The following PPP2R2B variants were observed in gnomAD, a reference collection of about 807,000 sequenced individuals.
The protein encoded by PPP2R2B is protein phosphatase 2 regulatory subunit Bbeta.
In PPP2R2B, 5 loss-of-function variants were observed where a neutral mutation model predicts 46.0. The observed-to-expected ratio is 0.11, with a 90% confidence interval of 0.06 to 0.23. The LOEUF is 0.23. Among genes scored for constraint, PPP2R2B ranks in the 10% least tolerant of loss-of-function variants. The pLI is 1.00. For missense variants in PPP2R2B, 367 were observed against 575.0 expected (o/e 0.64, Z 3.70); for synonymous variants, 215 against 206.7 (o/e 1.04, Z -0.34).
intron 2 of PPP2R2B, among the ~76,000 whole-genome samples, chr5:147,068,875 G>A (rs1276197309): frequency 6.6e-6 from 1 of 152,122 alleles, no homozygotes; most frequent in Non-Finnish European, 1.5e-5. Flanking sequence ...TGTAGAGTGA[G>A]AAGCACACAT....
chr5:147,028,622 C>G (rs1755635730), intron 1 of PPP2R2B, among the ~76,000 whole-genome samples: 1 of 152,036 alleles, frequency 6.6e-6, no homozygotes, highest in African/African-American at 2.4e-5. Context: ...TTAGGGTTAT[C>G]ATGAACAGTA....
chr5:146,859,064 C>T (rs1475887302), intron 2 of PPP2R2B, among the ~76,000 whole-genome samples: 1 of 152,110 alleles, frequency 6.6e-6, no homozygotes, highest in Non-Finnish European at 1.5e-5. Context: ...ATTGATTTAT[C>T]TGATATTCCA....
intron 1 of PPP2R2B, among the ~76,000 whole-genome samples, chr5:146,978,743 A>G (rs1753031257): frequency 6.6e-6 from 1 of 152,164 alleles, no homozygotes; most frequent in Non-Finnish European, 1.5e-5. Flanking sequence ...CTGTTTCAGT[A>G]CCAGTACCAT....
At chr5:146,703,413 A>G (rs2151170324) in intron 2 of PPP2R2B, among the ~76,000 whole-genome samples, 1 of 152,258 alleles carries the variant, frequency 6.6e-6, no homozygotes, top group Middle Eastern at 3.4e-3. Context: ...TACGTTCTAA[A>G]GTTCTGCTTA....
intron 2 of PPP2R2B, among the ~76,000 whole-genome samples, chr5:147,075,908 A>G (rs1247546503): frequency 1.3e-5 from 2 of 150,060 alleles, no homozygotes; most frequent in Non-Finnish European, 3.0e-5. Context: ...GCTAATCATG[A>G]TTAGTGAATA....
chr5:146,922,760 T>C (rs1263629718), intron 1 of PPP2R2B, among the ~76,000 whole-genome samples: 1 of 152,110 alleles, frequency 6.6e-6, no homozygotes, highest in Admixed American at 6.6e-5. Flanking sequence ...CATCAGCACA[T>C]CCCATTGGCT....
intron 1 of PPP2R2B, among the ~76,000 whole-genome samples, chr5:146,915,997 C>T (rs368317175): frequency 3.9e-4 from 60 of 152,272 alleles, no homozygotes; most frequent in African/African-American, 1.3e-3. Flanking sequence ...TTGTAAGACA[C>T]GTGACTTTCA....
intron 5 of PPP2R2B, among the ~76,000 whole-genome samples, chr5:146,653,310 C>T (rs1439675321): frequency 6.6e-6 from 1 of 152,128 alleles, no homozygotes; most frequent in African/African-American, 2.4e-5. Flanking sequence ...TATGGAATAA[C>T]TAGTGTTACT....
intron 5 of PPP2R2B, among the ~76,000 whole-genome samples, chr5:146,674,005 C>A (rs929348839): frequency 2.6e-5 from 4 of 152,122 alleles, no homozygotes; most frequent in African/African-American, 9.7e-5. Context: ...ACCATACGAC[C>A]AAGTTAGAAG....
At position 146,908,417 on chromosome 5, in the gene PPP2R2B, AT is replaced by A. The variant is rs201656527; in HGVS notation, c.79+147247del. Reference sequence around the variant, plus strand: ...TTCTTGGTGTTTACTTAAAAATTAAATTTTTTTTTCTTTCAATATGTATATT... The same window carrying A: ...TTCTTGGTGTTTACTTAAAAATTAAATTTTTTTTCTTTCAATATGTATATT... On this transcript the variant is annotated intron_variant, in intron 1 of 8. Transcript: ENST00000336640. 1.9e-3 allele frequency among the ~76,000 whole-genome samples: 295 copies of A among 151,718 alleles called. 1 individual carries two copies. The highest frequency in any genetic ancestry group is 6.6e-3 in the African/African-American group (274 of 41,344).
At chr5:146,876,308 A>T (rs1761894607) in intron 2 of PPP2R2B, among the ~76,000 whole-genome samples, 1 of 152,196 alleles carries the variant, frequency 6.6e-6, no homozygotes. Context: ...TGATTTCTTC[A>T]CTTCACAATT....
intron 1 of PPP2R2B, among the ~76,000 whole-genome samples, chr5:146,976,509 A>G (rs1752912623): frequency 6.6e-6 from 1 of 152,148 alleles, no homozygotes. Flanking sequence ...ATATGGTACA[A>G]AGGTAAGGGG....
chr5:146,865,096 G>A (rs1180519920), intron 2 of PPP2R2B, among the ~76,000 whole-genome samples: 1 of 151,986 alleles, frequency 6.6e-6, no homozygotes, highest in East Asian at 1.9e-4. Context: ...ATATATTTCA[G>A]AATTAGTATA....
intron 1 of PPP2R2B, chr5:147,055,587 A>C: frequency 7.8e-7 from 1 of 1,288,164 alleles, no homozygotes; most frequent in South Asian, 1.2e-5. Context: ...AGAAAGCAGC[A>C]TCAGCAGAAC....
chr5:146,599,359 G>C (rs1286491405), intron 8 of PPP2R2B, among the ~76,000 whole-genome samples: 1 of 152,146 alleles, frequency 6.6e-6, no homozygotes, highest in Non-Finnish European at 1.5e-5. Flanking sequence ...ACCATCACCA[G>C]ACCAAATTGC....
At position 146,652,768 on chromosome 5, in the gene PPP2R2B, C is replaced by G. The variant is rs530199565; in HGVS notation, c.448-2044G>C. On this transcript the variant is annotated intron_variant, in intron 5 of 9. Coordinates refer to ENST00000394411, the MANE Select transcript of PPP2R2B (RefSeq NM_181675.4). ...GCTAGGTAGGAGGCAACACCCCCCC[C>G]CAAAAAGTTTTGCCATTATTCCAAG... Among the ~76,000 whole-genome samples, 964 of 151,916 alleles carry G rather than the reference C, an allele frequency of 6.3e-3. 22 individuals carry two copies. The highest frequency in any genetic ancestry group is 0.041 in the Admixed American group (632 of 15,240).
intron 1 of PPP2R2B, among the ~76,000 whole-genome samples, chr5:147,006,340 G>T (rs200668612): frequency 6.6e-6 from 1 of 152,166 alleles, no homozygotes; most frequent in African/African-American, 2.4e-5. Flanking sequence ...TGGACTGAAC[G>T]AGGTCTTATT....
intron 1 of PPP2R2B, among the ~76,000 whole-genome samples, chr5:146,953,313 A>G (rs890101793): frequency 1.3e-5 from 2 of 152,178 alleles, no homozygotes; most frequent in African/African-American, 4.8e-5. Context: ...GCAATTTATA[A>G]TATGTCTGAA....
chr5:146,909,322 C>T (rs1200713105), intron 1 of PPP2R2B, among the ~76,000 whole-genome samples: 4 of 152,198 alleles, frequency 2.6e-5, no homozygotes, highest in African/African-American at 9.7e-5. Context: ...TCATTTGCTT[C>T]TGGGATATTC....
Sources: gnomAD v4.1 joint callset for allele counts (sites outside exome capture counted in the v4.1 genomes callset) on GRCh38, gnomAD v4.1.1 for gene constraint, MANE v1.5 for transcripts, NCBI Gene and HGNC (gene_info 2026-07-23, HGNC 2026-07-21) for gene names.